The following FRMD4A variants were observed in gnomAD, a reference collection of about 807,000 sequenced individuals.
FRMD4A encodes the protein FERM domain containing 4A, also known as FERM domain-containing protein 4A.
Under a neutral mutation model 129.1 loss-of-function variants are expected in FRMD4A, and 29 were observed. The observed-to-expected ratio is 0.22, with a 90% CI of 0.17 to 0.31. FRMD4A has a LOEUF of 0.31. Ranked by LOEUF, FRMD4A falls within the 10% of genes least tolerant of loss-of-function variation. FRMD4A has a pLI of 1.00. For missense variants in FRMD4A, 1,272 were observed against 1,375.8 expected (o/e 0.92, Z 1.19); for synonymous variants, 634 against 571.6 (o/e 1.11, Z -1.56).
chr10:13,952,145 T>C (rs1160593129), intron 2 of FRMD4A, among the ~76,000 whole-genome samples: 3 of 119,664 alleles, frequency 2.5e-5, no homozygotes, highest in Non-Finnish European at 4.7e-5. Context: ...CTTTTTATAC[T>C]CTTTTTTCTG....
chr10:14,136,547 C>A (rs1022542056), intron 2 of FRMD4A, among the ~76,000 whole-genome samples: 2 of 152,030 alleles, frequency 1.3e-5, no homozygotes, highest in Admixed American at 6.6e-5. Flanking sequence ...TTCCTCTACC[C>A]CCCAACCCCA....
intron 2 of FRMD4A, among the ~76,000 whole-genome samples, chr10:14,254,294 T>G (rs1238941051): frequency 1.3e-5 from 2 of 152,236 alleles, no homozygotes; most frequent in African/African-American, 4.8e-5. Flanking sequence ...TCTCCGGTTC[T>G]GTATGCATCT....
At chr10:14,169,905 C>T (rs539371405) in intron 2 of FRMD4A, among the ~76,000 whole-genome samples, 5 of 152,284 alleles carry the variant, frequency 3.3e-5, no homozygotes, top group Admixed American at 2.6e-4. Flanking sequence ...CTCAGGCTAA[C>T]CATTCCTTAA....
At chr10:14,080,205 A>C (rs1835845970) in intron 2 of FRMD4A, among the ~76,000 whole-genome samples, 1 of 152,114 alleles carries the variant, frequency 6.6e-6, no homozygotes, top group South Asian at 2.1e-4. Context: ...TCACCCACAA[A>C]GGCCCCCACT....
At chr10:13,785,280 C>T (rs2092826740) in intron 5 of FRMD4A, among the ~76,000 whole-genome samples, 1 of 152,156 alleles carries the variant, frequency 6.6e-6, no homozygotes, top group African/African-American at 2.4e-5. Context: ...ATCATTAGTA[C>T]AATTCTTATC....
chr10:13,760,782 C>A (rs1429085158), intron 8 of FRMD4A, among the ~76,000 whole-genome samples: 1 of 151,974 alleles, frequency 6.6e-6, no homozygotes, highest in African/African-American at 2.4e-5. Context: ...TGGGCCAGAA[C>A]CTTACGCCTT....
rs146640618 is a variant in FRMD4A, at chr10:13,935,060, G to A, written c.46-76148C>T. On this transcript the variant is annotated intron_variant, in intron 2 of 24. Coordinates refer to ENST00000357447, the MANE Select transcript of FRMD4A (RefSeq NM_018027.5). ...ATCTCATTCACGAGGGCAGAATCCCGTTCATGAATTTTGGGGGGACACAAA... is the reference window on the plus strand; with the variant it reads ...ATCTCATTCACGAGGGCAGAATCCCATTCATGAATTTTGGGGGGACACAAA... Among the ~76,000 whole-genome samples, 295 of 152,170 alleles carry A rather than the reference G, an allele frequency of 1.9e-3. 1 individual carries two copies. The highest frequency in any genetic ancestry group is 6.0e-3 in the African/African-American group (250 of 41,520).
intron 2 of FRMD4A, among the ~76,000 whole-genome samples, chr10:14,142,390 C>T (rs974419771): frequency 6.6e-6 from 1 of 152,082 alleles, no homozygotes; most frequent in African/African-American, 2.4e-5. Flanking sequence ...AAATGCTGAC[C>T]CTTCCAAAGC....
intron 2 of FRMD4A, among the ~76,000 whole-genome samples, chr10:14,094,239 G>A (rs765242547): frequency 1.3e-5 from 2 of 152,192 alleles, no homozygotes; most frequent in Non-Finnish European, 2.9e-5. Context: ...ACGACATGGC[G>A]CGTTGCCCAT....
intron 2 of FRMD4A, among the ~76,000 whole-genome samples, chr10:14,281,651 G>A (rs568585621): frequency 2.6e-5 from 4 of 152,188 alleles, no homozygotes; most frequent in Non-Finnish European, 5.9e-5. Flanking sequence ...CCTCCACACT[G>A]TTGTACAACC....
chr10:13,813,113 T>A (rs937053775), intron 3 of FRMD4A, among the ~76,000 whole-genome samples: 3 of 152,234 alleles, frequency 2.0e-5, no homozygotes, highest in Non-Finnish European at 2.9e-5. Flanking sequence ...CTTTGCTGGA[T>A]CACTTGTGAC....
At chr10:14,288,371 C>T (rs1408986352) in intron 2 of FRMD4A, among the ~76,000 whole-genome samples, 2 of 152,042 alleles carry the variant, frequency 1.3e-5, no homozygotes, top group Admixed American at 6.6e-5. Context: ...AAGGTTTGCT[C>T]AAATTAAAAT....
chr10:14,150,029 G>GT (rs1403207072), intron 2 of FRMD4A, among the ~76,000 whole-genome samples: 1 of 152,166 alleles, frequency 6.6e-6, no homozygotes, highest in African/African-American at 2.4e-5. Context: ...TCTTCACACA[G>GT]TGGCAGGAGA....
chr10:13,687,173 T>C (rs2085165024), intron 15 of FRMD4A, among the ~76,000 whole-genome samples: 1 of 152,134 alleles, frequency 6.6e-6, no homozygotes, highest in South Asian at 2.1e-4. Flanking sequence ...TGGGCAACTG[T>C]AGTCCCAGCT....
intron 2 of FRMD4A, among the ~76,000 whole-genome samples, chr10:14,129,370 TCA>T (rs1491548810): frequency 1.3e-3 from 57 of 42,632 alleles, no homozygotes; most frequent in African/African-American, 3.4e-3. Context: ...CAATTATGAT[TCA>T]TATATATATA....
intron 2 of FRMD4A, among the ~76,000 whole-genome samples, chr10:14,114,115 A>G (rs907660262): frequency 6.6e-5 from 10 of 152,216 alleles, no homozygotes; most frequent in African/African-American, 2.4e-4. Flanking sequence ...GGCTTCTCTG[A>G]AAGGTCACTC....
chr10:14,004,270 C>T (rs897501439), intron 2 of FRMD4A, among the ~76,000 whole-genome samples: 12 of 152,134 alleles, frequency 7.9e-5, no homozygotes, highest in South Asian at 2.1e-4. Flanking sequence ...AGACTGGGTG[C>T]GGTGGCTCAC....
intron 6 of FRMD4A, 37 bp from the exon 7 acceptor site, chr10:13,762,717 T>A (rs776219545): frequency 4.5e-6 from 6 of 1,344,388 alleles, no homozygotes; most frequent in Middle Eastern, 1.8e-4. Flanking sequence ...ACAAGTTTGG[T>A]ATTTAACCAC....
At chr10:14,286,374 C>CA (rs1449405649) in intron 2 of FRMD4A, among the ~76,000 whole-genome samples, 1 of 152,152 alleles carries the variant, frequency 6.6e-6, no homozygotes, top group Non-Finnish European at 1.5e-5. Flanking sequence ...GCAATATTGC[C>CA]AAACCTCCTG....
Sources: allele counts gnomAD v4.1 joint callset (sites outside exome capture counted in the v4.1 genomes callset), GRCh38; gene constraint gnomAD v4.1.1; transcripts MANE v1.5; gene names NCBI Gene and HGNC (gene_info 2026-07-23, HGNC 2026-07-21).